The following TGFBR3 variants were observed in gnomAD, a reference collection of about 807,000 sequenced individuals.
TGFBR3 encodes the protein transforming growth factor beta receptor type 3.
A neutral mutation model predicts 87.9 loss-of-function variants in TGFBR3; 46 were observed. The ratio of observed to expected loss-of-function variants is 0.52; its 90% CI spans 0.41 to 0.67. The LOEUF (loss-of-function observed/expected upper bound fraction) is 0.67, where lower values mean the gene tolerates loss of function less well. TGFBR3 is among the 30% of genes least tolerant of loss of function. The pLI is 0.00. For synonymous variants in TGFBR3, 381 were observed against 391.6 expected, an observed-to-expected ratio of 0.97 and a Z score of 0.32; for missense variants, 866 against 1,041.9, an observed-to-expected ratio of 0.83 and a Z score of 2.32.
At chr1:91,787,737 G>T (rs1181719654) in intron 3 of TGFBR3, among the ~76,000 whole-genome samples, 1 of 152,130 alleles carries the variant, frequency 6.6e-6, no homozygotes, top group Middle Eastern at 3.2e-3. Context: ...CACTTTGGGA[G>T]TCCAAGGCGA....
Position 91,681,865 on chromosome 1 carries a change from C to T in TGFBR3, c.*1874G>A, listed in dbSNP as rs908401123. Reference sequence around the variant, plus strand: ...GCGCAATATTTTCAAACACAGGTAGCGTAATCTAGGTCCTCCACTCTGATA... The same window carrying T: ...GCGCAATATTTTCAAACACAGGTAGTGTAATCTAGGTCCTCCACTCTGATA... On this transcript the variant is annotated 3_prime_UTR_variant, in exon 17 of 17. Coordinates refer to ENST00000212355, the MANE Select transcript of TGFBR3 (RefSeq NM_003243.5). 3 of 452,764 alleles carry T rather than the reference C, an allele frequency of 6.6e-6. No individual in the cohort carries two copies. Among genetic ancestry groups the T allele is most frequent in the African/African-American group, 2.0e-5 (1 of 49,782 alleles). The allele number at this position is 452,764 out of a possible 1,614,324, so 28.0% of individuals were successfully genotyped here.
Position 91,767,007 on chromosome 1 carries a change from T to C in TGFBR3, c.247-8257A>G, listed in dbSNP as rs191259065. Reference sequence around the variant, plus strand: ...TCCAACCCCAAACTCCTGTGGGAGATGGATTTGAGTTTTCCCCCAGTTCAG... The same window carrying C: ...TCCAACCCCAAACTCCTGTGGGAGACGGATTTGAGTTTTCCCCCAGTTCAG... On this transcript the variant is annotated intron_variant, in intron 3 of 16. Coordinates refer to ENST00000212355, the MANE Select transcript of TGFBR3 (RefSeq NM_003243.5). 3.1e-4 allele frequency among the ~76,000 whole-genome samples: 42 copies of C among 133,650 alleles called. 7 individuals are homozygous for C. Among genetic ancestry groups the C allele is most frequent in the African/African-American group, 1.0e-3 (36 of 35,630 alleles). The allele number at this position is 133,650 out of a possible 152,430, so 87.7% of individuals were successfully genotyped here.
intron 1 of TGFBR3, among the ~76,000 whole-genome samples, chr1:91,865,213 A>G (rs941023042): frequency 4.0e-5 from 6 of 151,388 alleles, no homozygotes; most frequent in African/African-American, 1.5e-4. Context: ...AAAAAAAAAA[A>G]AAAAAAGAAA....
At chr1:91,891,099 T>C (rs997824605), upstream of TGFBR3, among the ~76,000 whole-genome samples, 6 of 151,824 alleles carry the variant, frequency 4.0e-5, no homozygotes, top group Non-Finnish European at 8.8e-5. Flanking sequence ...GGTTTCACCA[T>C]GTTGGCCAGG....
intron 3 of TGFBR3, among the ~76,000 whole-genome samples, chr1:91,782,375 T>A (rs1259576561): frequency 1.3e-5 from 2 of 152,176 alleles, no homozygotes. Context: ...TTAAGACAGC[T>A]TGGCAAGGCT....
At chr1:91,747,076 C>A (rs941267740) in intron 4 of TGFBR3, among the ~76,000 whole-genome samples, 1 of 152,208 alleles carries the variant, frequency 6.6e-6, no homozygotes, top group Admixed American at 6.5e-5. Context: ...GTGGAAACAA[C>A]TGGGGCTCTG....
At chr1:91,698,670 T>C (rs372329955) in intron 14 of TGFBR3, among the ~76,000 whole-genome samples, 6 of 152,070 alleles carry the variant, frequency 3.9e-5, no homozygotes, top group East Asian at 1.9e-4. Flanking sequence ...ACCAGCTAAT[T>C]TTTATATTTC....
At chr1:91,785,601 G>A (rs1472530984) in intron 3 of TGFBR3, among the ~76,000 whole-genome samples, 1 of 152,104 alleles carries the variant, frequency 6.6e-6, no homozygotes, top group Non-Finnish European at 1.5e-5. Context: ...TGTAGGTGAA[G>A]AACTTTCCTC....
intron 4 of TGFBR3, among the ~76,000 whole-genome samples, chr1:91,738,473 G>A (rs980776535): frequency 1.3e-5 from 2 of 152,214 alleles, no homozygotes; most frequent in East Asian, 1.9e-4. Context: ...TTGAGTTCAC[G>A]TGAGATCTGC....
intron 4 of TGFBR3, among the ~76,000 whole-genome samples, chr1:91,740,548 A>G (rs1475782610): frequency 6.6e-6 from 1 of 151,212 alleles, no homozygotes; most frequent in Non-Finnish European, 1.5e-5. Flanking sequence ...TATTTTTAGT[A>G]GAGACAGGGT....
intron 16 of TGFBR3, among the ~76,000 whole-genome samples, chr1:91,693,575 A>G (rs996755771): frequency 1.3e-5 from 2 of 152,186 alleles, no homozygotes; most frequent in African/African-American, 4.8e-5. Flanking sequence ...GGGGGATTTC[A>G]GTGGGGCATG....
In TGFBR3 at chr1:91,708,780, C is replaced by T; in HGVS notation, c.2170G>A (p.Val724Met). Residue 724 changes from valine to methionine, a missense_variant, in exon 14 of 17, where the codon GTG becomes ATG. Physicochemically the swap from Val to Met is conservative, Grantham distance 21. Coordinates refer to ENST00000212355, the MANE Select transcript of TGFBR3 (RefSeq NM_003243.5). ...GAGGTGCAGGCTTCGTCAGGAGGCA[C>T]ACACTGCAGACAGGCAGAACAAAGC... ...EKHPQKLPKCVPPDEACTSLD... is the reference protein window; with the variant it reads ...EKHPQKLPKCMPPDEACTSLD... 1 of 1,613,858 alleles carries T rather than the reference C, an allele frequency of 6.2e-7. No individual in the cohort carries two copies. The highest frequency in any genetic ancestry group is 1.1e-5 in the South Asian group (1 of 91,064).
At position 91,727,900 on chromosome 1, in the gene TGFBR3, G is replaced by T. The variant is rs1416739664; in HGVS notation, c.738-94C>A. On this transcript the variant is annotated intron_variant, in intron 6 of 16. Coordinates refer to ENST00000212355, the MANE Select transcript of TGFBR3 (RefSeq NM_003243.5). ...CAAGTCTTCATGTTTCTAGTGTCTG[G>T]CCAGTTGATTAAAAAGCTGGAGTTG... 2.7e-6 allele frequency: 4 copies of T among 1,478,736 alleles called. No individual in the cohort carries two copies. In the African/African-American group the frequency reaches 4.2e-5, roughly 15 times the overall value. 91.6% of individuals were successfully genotyped at this position (1,478,736 alleles called of 1,614,324 possible).
rs768529581 is a variant in TGFBR3 at position 91,831,496 on chromosome 1, AC to A, written c.61+29974del. Among the ~76,000 whole-genome samples the A allele has an allele frequency of 8.5e-5, 13 of 152,346 alleles. No homozygotes were observed. In the South Asian group the frequency reaches 1.0e-3, roughly 12 times the overall value. On this transcript the variant is annotated intron_variant, in intron 2 of 16. Coordinates refer to ENST00000212355, the MANE Select transcript of TGFBR3 (RefSeq NM_003243.5). The stretch of plus-strand genomic sequence containing the variant: ...TCTTTATCAACCATGAACCAACTAA[AC>A]CACTACAAGGAAAGGAAAATGGAAA...
chr1:91,708,718 AT>A lies in TGFBR3; in HGVS notation c.2231del (p.Asn744IlefsTer11). On this transcript the variant is annotated frameshift_variant, in exon 14 of 17. Coordinates refer to ENST00000212355, the MANE Select transcript of TGFBR3 (RefSeq NM_003243.5). LOFTEE classifies it high-confidence loss of function. ...CAAGGGGCTTAGTGAACGTCTTCTT[AT>A]TCTGCATCATGGCCCAGATTATCGA... Reference protein sequence around the residue: ...DASIIWAMMQNKKTFTKPLAV... With the variant: ...DASIIWAMMQXKKTFTKPLAV... 6.2e-7 allele frequency: 1 copy of A among 1,614,068 alleles called. No individual in the cohort carries two copies. The highest frequency in any genetic ancestry group is 8.5e-7 in the Non-Finnish European group (1 of 1,179,952).
intron 1 of TGFBR3, among the ~76,000 whole-genome samples, chr1:91,876,118 T>C (rs1027723232): frequency 1.3e-5 from 2 of 151,340 alleles, no homozygotes; most frequent in Non-Finnish European, 2.9e-5. Context: ...GGGGGTGTGG[T>C]GGGCGTGGGA....
chr1:91,825,058 C>T (rs17884612), intron 2 of TGFBR3, among the ~76,000 whole-genome samples: 292 of 152,342 alleles, frequency 1.9e-3, no homozygotes, highest in South Asian at 9.1e-3. Context: ...AGCGATTCTA[C>T]TCTCAGACAC....
intron 3 of TGFBR3, among the ~76,000 whole-genome samples, chr1:91,764,167 T>C (rs576327444): frequency 7.9e-5 from 12 of 152,076 alleles, no homozygotes; most frequent in African/African-American, 2.9e-4. Context: ...ATCAAGCTCT[T>C]TCCCAATGGT....
In TGFBR3 at chr1:91,721,927, T is replaced by A. The variant is rs897704338; in HGVS notation, c.1075+28A>T. Reference sequence around the variant, plus strand: ...AAAGCTTCATTTGGGGGGTATTTTTTACATAACTTAAAAAACTTCTAACTT... The same window carrying A: ...AAAGCTTCATTTGGGGGGTATTTTTAACATAACTTAAAAAACTTCTAACTT... On this transcript the variant is annotated intron_variant, in intron 8 of 16. Coordinates refer to ENST00000212355, the MANE Select transcript of TGFBR3 (RefSeq NM_003243.5). 8 of 1,607,870 alleles carry A rather than the reference T, an allele frequency of 5.0e-6. No homozygotes were observed. In the Admixed American group the frequency reaches 1.3e-4, roughly 27 times the overall value.
Sources: gnomAD v4.1 joint callset for allele counts (sites outside exome capture counted in the v4.1 genomes callset) on GRCh38, gnomAD v4.1.1 for gene constraint, MANE v1.5 for transcripts, NCBI Gene and HGNC (gene_info 2026-07-23, HGNC 2026-07-21) for gene names.